The following KRT83 variants were observed in gnomAD, a reference collection of about 807,000 sequenced individuals.
The protein encoded by KRT83 is keratin, type II cuticular Hb3.
Under a neutral mutation model 52.9 loss-of-function variants are expected in KRT83, and 51 were observed. The ratio of observed to expected loss-of-function variants is 0.96; its 90% CI spans 0.77 to 1.22. The LOEUF (loss-of-function observed/expected upper bound fraction) is 1.22, where lower values mean the gene tolerates loss of function less well. Ranked by LOEUF, KRT83 falls within the 50% of genes most tolerant of loss-of-function variation. The probability of loss-of-function intolerance (pLI) is 0.00; values close to 1 mark genes in which losing one functional copy is unlikely to be tolerated. For synonymous variants in KRT83, 278 were observed against 274.1 expected, an observed-to-expected ratio of 1.01 and a Z score of -0.14; for missense variants, 654 against 666.5, an observed-to-expected ratio of 0.98 and a Z score of 0.21.
intron 6 of KRT83, 43 bp from the exon 7 acceptor site, chr12:52,316,156 GT>G: frequency 6.2e-7 from 1 of 1,607,914 alleles, no homozygotes; most frequent in South Asian, 1.1e-5. Context: ...GTGAAGTTTA[GT>G]TTCTTGAAAT....
Position 52,316,596 on chromosome 12 carries a change from G to A in KRT83, c.916-3C>T. The stretch of plus-strand genomic sequence containing the variant: ...ACTGTGGCCTTCATCTCCTCACACT[G>A]CAGGAAGCAGAGATGTTCATGAGGC... On this transcript the variant is annotated splice_polypyrimidine_tract_variant and splice_region_variant and intron_variant, in intron 5 of 8. Transcript: ENST00000293670. 4 of 1,614,138 alleles carry A rather than the reference G, an allele frequency of 2.5e-6. No homozygotes were observed. Among genetic ancestry groups the A allele is most frequent in the Non-Finnish European group, 3.4e-6 (4 of 1,180,024 alleles).
intron 1 of KRT83, 79 bp downstream of exon 1, chr12:52,320,873 G>T: frequency 1.2e-6 from 2 of 1,612,644 alleles, no homozygotes; most frequent in South Asian, 2.2e-5. Flanking sequence ...TCTTGCCTTT[G>T]ACTTCCCTGT....
chr12:52,316,962 C>A lies in KRT83; in HGVS notation c.812G>T (p.Ser271Ile). ...GATGCAGTCCATGTTCAGGTCCCGG[C>A]TGTTGTCCAGCTTGACAACCACGGA... ...DTSVVVKLDNSRDLNMDCIVA... is the reference protein window; with the variant it reads ...DTSVVVKLDNIRDLNMDCIVA... The change falls in exon 5 of 9, where the codon AGC (serine) becomes ATC (isoleucine). Residue 271 changes from serine (S) to isoleucine (I), a missense_variant. Physicochemically the swap from Ser to Ile is moderately radical, Grantham distance 142. Coordinates refer to ENST00000293670, the MANE Select transcript of KRT83 (RefSeq NM_002282.3). 1 of 1,614,230 alleles carries A rather than the reference C, an allele frequency of 6.2e-7. No individual in the cohort carries two copies. The highest frequency in any genetic ancestry group is 8.5e-7 in the Non-Finnish European group (1 of 1,180,052).
rs549688782 is a variant in KRT83, at chr12:52,314,753, T to G, written c.1360A>C (p.Thr454Pro). 10 of 1,601,168 alleles carry G rather than the reference T, an allele frequency of 6.2e-6. No homozygotes were observed. In the African/African-American group the frequency reaches 6.7e-5, roughly 11 times the overall value. ...CAGGGGGCACTGCAGACGCTGCCCG[T>G]CACCGGCCGGGAGCCCGACACGCAG... ...DLCVSGSRPV[T>P]GSVCSAPCNG... is the part of the protein sequence containing the mutation. Residue 454 changes from threonine (T) to proline (P), a missense_variant, in exon 9 of 9, where the codon ACG becomes CCG. Thr to Pro is a conservative substitution (Grantham distance 38). Transcript: ENST00000293670.
chr12:52,320,917 G>C (rs201780536), intron 1 of KRT83, 35 bp downstream of exon 1: 7 of 1,613,608 alleles, frequency 4.3e-6, no homozygotes, highest in Non-Finnish European at 4.2e-6. Flanking sequence ...CATGAGTAGG[G>C]GTTCAGGAAG....
chr12:52,316,633 CAT>C (rs759728232), intron 5 of KRT83, 40 bp from the exon 6 acceptor site: 1 of 1,614,134 alleles, frequency 6.2e-7, no homozygotes, highest in South Asian at 1.1e-5. Flanking sequence ...CAGGATGAGA[CAT>C]CCCATTCATT....
In KRT83 at chr12:52,315,890, C is replaced by T. The variant is rs1938677977; in HGVS notation, c.1262+3G>A. ...GGAGTGCTTAGGGCTGGGTTGGACC[C>T]ACCTCTGCTCCTCGCCCTCCAGCAG... On this transcript the variant is annotated splice_donor_region_variant and intron_variant, in intron 7 of 8. Coordinates refer to ENST00000293670, the MANE Select transcript of KRT83 (RefSeq NM_002282.3). 1.9e-6 allele frequency: 3 copies of T among 1,612,398 alleles called. No homozygotes were observed. The highest frequency in any genetic ancestry group is 2.2e-5 in the East Asian group (1 of 44,882).
At position 52,319,275 on chromosome 12, in the gene KRT83, G is replaced by T. The variant is rs764623506; in HGVS notation, c.474C>A (p.Pro158=). ...NRECCQSNLE[P]LFAGYIETLR... ...GAGTCTCGATGTAGCCAGCAAACAGGGGCTCCAGGTTACTCTGGCAGCACT... is the reference window on the plus strand; with the variant it reads ...GAGTCTCGATGTAGCCAGCAAACAGTGGCTCCAGGTTACTCTGGCAGCACT... Residue 158 remains proline (P), a synonymous_variant, in exon 2 of 9, where the codon CCC becomes CCA. Coordinates refer to ENST00000293670, the MANE Select transcript of KRT83 (RefSeq NM_002282.3). The T allele has an allele frequency of 2.2e-5, 36 of 1,613,896 alleles. No individual in the cohort carries two copies. The highest frequency in any genetic ancestry group is 3.0e-5 in the Non-Finnish European group (35 of 1,179,954).
At chr12:52,316,687 C>T in intron 5 of KRT83, 94 bp from the exon 6 acceptor site, 5 of 1,603,858 alleles carry the variant, frequency 3.1e-6, no homozygotes, top group Admixed American at 3.4e-5. Context: ...CAGTGCTCGG[C>T]CTGTGCAACC....
At chr12:52,318,397 G>A (rs1044335151) in intron 2 of KRT83, among the ~76,000 whole-genome samples, 1 of 152,062 alleles carries the variant, frequency 6.6e-6, no homozygotes, top group Non-Finnish European at 1.5e-5. Context: ...AGCTGAGTGT[G>A]TGAATGTGTG....
rs886049622 is a variant in KRT83, at chr12:52,321,253, C to A, written c.83G>T (p.Ser28Ile). ...GGGGGCGGCGGTGATGCAGCAGCGGCTTGGCCGGGGCCCGCAGGCAGAGAC... is the reference window on the plus strand; with the variant it reads ...GGGGGCGGCGGTGATGCAGCAGCGGATTGGCCGGGGCCCGCAGGCAGAGAC... ...SCVSACGPRP[S>I]RCCITAAPYR... is the part of the protein sequence containing the mutation. The change falls in exon 1 of 9, where the codon AGC becomes ATC. Residue 28 changes from serine (S) to isoleucine (I), a missense_variant. By Grantham distance (142) the Ser-to-Ile change is moderately radical. Coordinates refer to ENST00000293670, the MANE Select transcript of KRT83 (RefSeq NM_002282.3). 1 of 1,613,458 alleles carries A rather than the reference C, an allele frequency of 6.2e-7. No homozygotes were observed. The highest frequency in any genetic ancestry group is 8.5e-7 in the Non-Finnish European group (1 of 1,179,936).
chr12:52,319,033 G>A lies in KRT83; in HGVS notation c.593+123C>T, dbSNP rs3741717. 0.3 allele frequency: 426,714 copies of A among 1,430,814 alleles called. 65,133 individuals are homozygous for A. Among genetic ancestry groups the A allele is most frequent in the East Asian group, 0.47 (20,662 of 43,820 alleles). 88.6% of individuals were successfully genotyped at this position (1,430,814 alleles called of 1,614,324 possible). On this transcript the variant is annotated intron_variant, in intron 2 of 8. Transcript: ENST00000293670. Reference sequence around the variant, plus strand: ...CAAGGGACCCCTGTGTCTCAAACAGGGGGTACAGGTTCTTCTCCACTCTCA... The same window carrying A: ...CAAGGGACCCCTGTGTCTCAAACAGAGGGTACAGGTTCTTCTCCACTCTCA...
rs1473656695 is a variant in KRT83 at position 52,316,871 on chromosome 12, C to G, written c.903G>C (p.Trp301Cys). The G allele has an allele frequency of 6.2e-7, 1 of 1,614,196 alleles. No homozygotes were observed. The highest frequency in any genetic ancestry group is 1.1e-5 in the South Asian group (1 of 91,082). Residue 301 changes from tryptophan (W) to cysteine (C), a missense_variant, in exon 5 of 9, where the codon TGG (tryptophan) becomes TGC (cysteine). Transcript: ENST00000293670. ...ATRSRAEAES[W>C]YRSKCEEMKA... Reference sequence around the variant, plus strand: ...CTGTGCCGCTCACCTTGCTGCGATACCAGGACTCGGCCTCAGCCCGGCTAC... The same window carrying G: ...CTGTGCCGCTCACCTTGCTGCGATAGCAGGACTCGGCCTCAGCCCGGCTAC...
chr12:52,320,703 A>G (rs1207901393), intron 1 of KRT83, among the ~76,000 whole-genome samples: 1 of 152,164 alleles, frequency 6.6e-6, no homozygotes, highest in Non-Finnish European at 1.5e-5. Flanking sequence ...AGGTGATATT[A>G]TCACTCAGTG....
chr12:52,315,447 C>T lies in KRT83; in HGVS notation c.1263-104G>A, dbSNP rs549663196. The T allele has an allele frequency of 1.2e-4, 144 of 1,183,070 alleles. No homozygotes were observed. The African/African-American group carries it at 2.0e-3, about 17-fold the overall frequency. The allele number at this position is 1,183,070 out of a possible 1,614,324, so 73.3% of individuals were successfully genotyped here. ...TGGGTCATCTCAGGGCTATTTCTGA[C>T]CTACATTTATTCCCTTGTGCAGCTT... is the stretch of plus-strand genomic sequence containing the variant. On this transcript the variant is annotated intron_variant, in intron 7 of 8. Coordinates refer to ENST00000293670, the MANE Select transcript of KRT83 (RefSeq NM_002282.3).
rs761449359 is a variant in KRT83, at chr12:52,317,687, G to T, written c.744C>A (p.Tyr248Ter). The T allele has an allele frequency of 4.3e-6, 7 of 1,612,278 alleles. 1 individual carries two copies. In the South Asian group the frequency reaches 5.5e-5, roughly 13 times the overall value. The change falls in exon 4 of 9, where the codon TAC (tyrosine) becomes TAA (stop). Residue 248 changes from tyrosine (Y) to a stop codon, truncating the protein, a stop_gained. Coordinates refer to ENST00000293670, the MANE Select transcript of KRT83 (RefSeq NM_002282.3). LOFTEE classifies it high-confidence loss of function. ...ATGGTTGAGAGCCCCTCACCTCCTC[G>T]TACAGCCGCCTCAGGAAGTCAATCT... ...IQEIDFLRRL[Y>*]EEEIRILQSH...
chr12:52,315,800 A>C, intron 7 of KRT83, 93 bp downstream of exon 7: 2 of 1,552,068 alleles, frequency 1.3e-6, no homozygotes, highest in Non-Finnish European at 1.8e-6. Context: ...CATAGAGGCA[A>C]GAATGTCACC....
chr12:52,321,131 C>G lies in KRT83; in HGVS notation c.205G>C (p.Gly69Arg), dbSNP rs776341669. The change falls in exon 1 of 9, where the codon GGC becomes CGC. Residue 69 changes from glycine (G) to arginine (R), a missense_variant. Gly to Arg is a moderately radical substitution (Grantham distance 125). Coordinates refer to ENST00000293670, the MANE Select transcript of KRT83 (RefSeq NM_002282.3). ...FRAGSCGRSFGYRSGGVCGPS... is the reference protein window; with the variant it reads ...FRAGSCGRSFRYRSGGVCGPS... ...CCGCACACGCCCCCGGAGCGGTAGC[C>G]GAAGCTGCGTCCGCAGGAGCCGGCG... 5.6e-6 allele frequency: 9 copies of G among 1,612,282 alleles called. No individual in the cohort carries two copies. Among genetic ancestry groups the G allele is most frequent in the Non-Finnish European group, 7.6e-6 (9 of 1,179,892 alleles).
chr12:52,316,652 A>G (rs935340606), intron 5 of KRT83, 59 bp from the exon 6 acceptor site: 32 of 1,613,468 alleles, frequency 2.0e-5, no homozygotes, highest in Non-Finnish European at 2.6e-5. Flanking sequence ...CATTCAGGAC[A>G]GCTCAGATGA....
Sources: allele counts gnomAD v4.1 joint callset (sites outside exome capture counted in the v4.1 genomes callset), GRCh38; gene constraint gnomAD v4.1.1; transcripts MANE v1.5; gene names NCBI Gene and HGNC (gene_info 2026-07-23, HGNC 2026-07-21).